Variants in ADAMTS5 observed in about 807,000 individuals in gnomAD.
ADAMTS5 encodes A disintegrin and metalloproteinase with thrombospondin motifs 5.
ADAMTS5 carries 54 observed loss-of-function variants against 81.4 expected under a neutral mutation model. The ratio of observed to expected loss-of-function variants is 0.66; its 90% CI spans 0.53 to 0.83. The LOEUF (loss-of-function observed/expected upper bound fraction) is 0.83, where lower values mean the gene tolerates loss of function less well. ADAMTS5 is among the 40% of genes least tolerant of loss of function. The pLI, the probability that ADAMTS5 is intolerant of heterozygous loss-of-function variation, is 0.00. For synonymous variants in ADAMTS5, 532 were observed against 508.8 expected, an observed-to-expected ratio of 1.05 and a Z score of -0.61; for missense variants, 1,194 against 1,229.9, an observed-to-expected ratio of 0.97 and a Z score of 0.44.
At chr21:26,960,210 G>C (rs1601020462) in intron 1 of ADAMTS5, among the ~76,000 whole-genome samples, 1 of 152,238 alleles carries the variant, frequency 6.6e-6, no homozygotes, top group African/African-American at 2.4e-5. Context: ...AGACCACCTT[G>C]AGCCTCCTCT....
Position 26,966,542 on chromosome 21 carries a change from C to G in ADAMTS5, c.-151G>C, listed in dbSNP as rs1207696815. The G allele has an allele frequency of 5.7e-6, 4 of 705,564 alleles. No homozygotes were observed. Among genetic ancestry groups the G allele is most frequent in the South Asian group, 3.4e-5 (1 of 29,210 alleles). 43.7% of individuals were successfully genotyped at this position (705,564 alleles called of 1,614,324 possible). ...CGGAGGGAGGGGGGCCCGGCAGCAGCGCCAGCCTGTCCGGGCTGCGGTGCC... is the reference window on the plus strand; with the variant it reads ...CGGAGGGAGGGGGGCCCGGCAGCAGGGCCAGCCTGTCCGGGCTGCGGTGCC... On this transcript the variant is annotated 5_prime_UTR_variant, in exon 1 of 8. Transcript: ENST00000284987.
At chr21:26,924,677 A>G (rs1986774725) in intron 7 of ADAMTS5, 57 bp from the exon 8 acceptor site, 15 of 1,358,066 alleles carry the variant, frequency 1.1e-5, no homozygotes, top group Non-Finnish European at 1.3e-5. Flanking sequence ...AAGGGAGAAA[A>G]AAATGAGTAA....
At chr21:26,926,039 G>T (rs1056164173) in intron 7 of ADAMTS5, among the ~76,000 whole-genome samples, 10 of 152,244 alleles carry the variant, frequency 6.6e-5, no homozygotes, top group Admixed American at 5.9e-4. Flanking sequence ...CAAAAGGGAT[G>T]TTGGAGAATT....
At chr21:26,956,607 C>T (rs1273387909) in intron 1 of ADAMTS5, among the ~76,000 whole-genome samples, 7 of 152,182 alleles carry the variant, frequency 4.6e-5, no homozygotes, top group Admixed American at 2.6e-4. Flanking sequence ...GACCAAAAAC[C>T]TAGGTCATGC....
At position 26,965,507 on chromosome 21, in the gene ADAMTS5, G is replaced by A. The variant is rs746234378; in HGVS notation, c.885C>T (p.Ala295=). The part of the protein sequence containing the change: ...RGLQHYLLTL[A]SIANRLYSHA... The stretch of plus-strand genomic sequence containing the variant: ...GGCTGTACAGCCTATTGGCGATGGA[G>A]GCCAGGGTCAGCAGGTAATGCTGCA... Residue 295 remains alanine (A), a synonymous_variant, in exon 1 of 8, where the codon GCC becomes GCT. Coordinates refer to ENST00000284987, the MANE Select transcript of ADAMTS5 (RefSeq NM_007038.5). 8 of 1,614,102 alleles carry A rather than the reference G, an allele frequency of 5.0e-6. No individual in the cohort carries two copies. In the South Asian group the frequency reaches 5.5e-5, roughly 11 times the overall value.
At position 26,932,163 on chromosome 21, in the gene ADAMTS5, A is replaced by G. The variant is rs1568840513; in HGVS notation, c.1890T>C (p.His630=). ...AGCCATTTTTGGCCTCACACTGTTC[A>G]TGACGAAATGATTTACCTAGAAAAC... The part of the protein sequence containing the change: ...PCPPNGKSFR[H]EQCEAKNGYQ... Residue 630 remains histidine, a synonymous_variant, in exon 6 of 8, where the codon CAT becomes CAC. Transcript: ENST00000284987. The G allele has an allele frequency of 2.5e-6, 4 of 1,613,542 alleles. No homozygotes were observed. Among genetic ancestry groups the G allele is most frequent in the Non-Finnish European group, 3.4e-6 (4 of 1,179,740 alleles).
chr21:26,929,791 T>C (rs1986871469), intron 7 of ADAMTS5, 95 bp downstream of exon 7: 1 of 1,276,274 alleles, frequency 7.8e-7, no homozygotes, highest in African/African-American at 1.5e-5. Flanking sequence ...CTCATACAGA[T>C]AGCTTATGAT....
At chr21:26,948,578 G>A (rs1987259695) in intron 2 of ADAMTS5, among the ~76,000 whole-genome samples, 1 of 152,122 alleles carries the variant, frequency 6.6e-6, no homozygotes, top group African/African-American at 2.4e-5. Context: ...AGGGAACCAT[G>A]AGCTCCAGTC....
intron 2 of ADAMTS5, among the ~76,000 whole-genome samples, chr21:26,946,014 T>A (rs1987208469): frequency 6.6e-6 from 1 of 152,180 alleles, no homozygotes; most frequent in Non-Finnish European, 1.5e-5. Context: ...GTCAGCTCTC[T>A]GGGAGAGGCA....
intron 3 of ADAMTS5, among the ~76,000 whole-genome samples, chr21:26,938,744 G>A (rs1987062341): frequency 6.6e-6 from 1 of 152,126 alleles, no homozygotes; most frequent in Admixed American, 6.5e-5. Context: ...TGGCCAGGCT[G>A]GTTTCAAACT....
intron 1 of ADAMTS5, among the ~76,000 whole-genome samples, chr21:26,958,841 G>A (rs139652050): frequency 6.6e-6 from 1 of 152,332 alleles, no homozygotes; most frequent in Non-Finnish European, 1.5e-5. Flanking sequence ...AGGCATTGAT[G>A]AATTCTCCTT....
At chr21:26,948,711 G>A (rs773376289) in intron 2 of ADAMTS5, among the ~76,000 whole-genome samples, 12 of 152,110 alleles carry the variant, frequency 7.9e-5, no homozygotes, top group Non-Finnish European at 1.5e-4. Flanking sequence ...TAATTTGGAA[G>A]GAAGAAACTC....
chr21:26,927,259 G>A (rs139082806), intron 7 of ADAMTS5, among the ~76,000 whole-genome samples: 118 of 152,252 alleles, frequency 7.8e-4, no homozygotes, highest in African/African-American at 2.8e-3. Flanking sequence ...CTCAGGGAAG[G>A]GATGTTTTAG....
intron 4 of ADAMTS5, 75 bp from the exon 5 acceptor site, chr21:26,933,119 G>A: frequency 7.0e-7 from 1 of 1,432,080 alleles, no homozygotes; most frequent in Admixed American, 2.6e-5. Flanking sequence ...GAAATCACCT[G>A]CATTTAATGA....
chr21:26,949,199 G>GGA (rs71183587), intron 2 of ADAMTS5, among the ~76,000 whole-genome samples: 24,228 of 138,302 alleles, frequency 0.18, 2,619 homozygotes, highest in Non-Finnish European at 0.25. Context: ...ATATATATAT[G>GGA]GAGAGAGAGA....
chr21:26,947,439 CT>C (rs892517985), intron 2 of ADAMTS5, among the ~76,000 whole-genome samples: 85 of 146,002 alleles, frequency 5.8e-4, no homozygotes, highest in Admixed American at 4.1e-4. Flanking sequence ...TTTTCTTTTT[CT>C]TTTTTTTTTT....
chr21:26,928,910 G>A (rs1377501593), intron 7 of ADAMTS5, among the ~76,000 whole-genome samples: 1 of 151,904 alleles, frequency 6.6e-6, no homozygotes, highest in African/African-American at 2.4e-5. Context: ...TTATACCTTT[G>A]AAACATATAA....
intron 2 of ADAMTS5, among the ~76,000 whole-genome samples, chr21:26,951,879 C>G (rs1987325716): frequency 6.6e-6 from 1 of 151,816 alleles, no homozygotes; most frequent in South Asian, 2.1e-4. Context: ...GGGCAAGACT[C>G]TGTAATAATA....
At chr21:26,946,037 G>A (rs1055477873) in intron 2 of ADAMTS5, among the ~76,000 whole-genome samples, 20 of 152,272 alleles carry the variant, frequency 1.3e-4, no homozygotes, top group African/African-American at 4.6e-4. Context: ...CTCTCTCAAG[G>A]GCAGCGAGAG....
Sources: allele counts gnomAD v4.1 joint callset (sites outside exome capture counted in the v4.1 genomes callset), GRCh38; gene constraint gnomAD v4.1.1; transcripts MANE v1.5; gene names NCBI Gene and HGNC (gene_info 2026-07-23, HGNC 2026-07-21).